Variants in ACTR10 observed in about 807,000 individuals in gnomAD.
The protein encoded by ACTR10 is actin-related protein 10.
Under a neutral mutation model 56.2 loss-of-function variants are expected in ACTR10, and 43 were observed. The ratio of observed to expected loss-of-function variants is 0.77; its 90% CI spans 0.60 to 0.99. ACTR10 has a LOEUF of 0.99. Ranked by LOEUF, ACTR10 falls within the 50% of genes least tolerant of loss-of-function variation. The pLI, the probability that ACTR10 is intolerant of heterozygous loss-of-function variation, is 0.00. For missense variants in ACTR10, 466 were observed against 507.8 expected (o/e 0.92, Z 0.79); for synonymous variants, 170 against 176.3 (o/e 0.96, Z 0.28).
chr14:58,206,515 C>T (rs900646209), intron 2 of ACTR10, among the ~76,000 whole-genome samples: 1 of 152,076 alleles, frequency 6.6e-6, no homozygotes, highest in African/African-American at 2.4e-5. Flanking sequence ...AGACAGATAC[C>T]TAAAAAATTA....
intron 12 of ACTR10, 131 bp downstream of exon 12, chr14:58,232,398 CTTTTTCTTTTTTTT>C: frequency 3.9e-5 from 8 of 204,736 alleles, no homozygotes; most frequent in Admixed American, 8.4e-5. Context: ...CTAACACTGA[CTTTTTCTTTTTTTT>C]TTTTTTTTTT....
Position 58,232,087 on chromosome 14 carries a change from C to T in ACTR10, c.892C>T (p.Gln298Ter). The T allele has an allele frequency of 6.2e-7, 1 of 1,613,152 alleles. No individual in the cohort carries two copies. Among genetic ancestry groups the T allele is most frequent in the Non-Finnish European group, 8.5e-7 (1 of 1,179,364 alleles). ...LIQCPIDTRKQLAENLVVIGG... is the reference protein window; with the variant it reads ...LIQCPIDTRK ...ACAGTGTCCGATAGACACCAGGAAG[C>T]AACTAGCAGAGAATTTGGTAGTCAT... The change falls in exon 12 of 13, where the codon CAA becomes TAA. Residue 298 changes from glutamine to a stop codon, truncating the protein, a stop_gained. Coordinates refer to ENST00000254286, the MANE Select transcript of ACTR10 (RefSeq NM_018477.3). LOFTEE classifies it high-confidence loss of function.
chr14:58,234,761 G>T lies in ACTR10; in HGVS notation c.*210G>T. Reference sequence around the variant, plus strand: ...TAGCTGGTGCTTATTGAGATTTGCTGTATTTATATCAATAAAGTATAGTAA... The same window carrying T: ...TAGCTGGTGCTTATTGAGATTTGCTTTATTTATATCAATAAAGTATAGTAA... On this transcript the variant is annotated 3_prime_UTR_variant, in exon 13 of 13. Transcript: ENST00000254286. The T allele has an allele frequency of 1.8e-5, 6 of 325,030 alleles. No homozygotes were observed. The highest frequency in any genetic ancestry group is 2.2e-5 in the Non-Finnish European group (4 of 183,956). The allele number at this position is 325,030 out of a possible 1,614,324, so 20.1% of individuals were successfully genotyped here.
chr14:58,215,370 A>G, intron 7 of ACTR10, 86 bp downstream of exon 7: 2 of 820,898 alleles, frequency 2.4e-6, no homozygotes, highest in South Asian at 1.7e-5. Flanking sequence ...CCATTGCATG[A>G]TTATTCTCTT....
intron 2 of ACTR10, among the ~76,000 whole-genome samples, chr14:58,204,371 G>A (rs936962557): frequency 6.6e-6 from 1 of 151,892 alleles, no homozygotes; most frequent in Non-Finnish European, 1.5e-5. Flanking sequence ...GCGACAGAGC[G>A]AGACTCCATC....
Position 58,234,495 on chromosome 14 carries a change from G to A in ACTR10, c.1198G>A (p.Asp400Asn). ...TAACCCACCTTTGGAAATGATGTTT[G>A]ATGTCGGGAAAACTCAACCACCTCT... is the stretch of plus-strand genomic sequence containing the variant. ...LNNPPLEMMF[D>N]VGKTQPPLMK... Residue 400 changes from aspartate (D) to asparagine (N), a missense_variant, in exon 13 of 13, where the codon GAT becomes AAT. Physicochemically the swap from Asp to Asn is conservative, Grantham distance 23. Coordinates refer to ENST00000254286, the MANE Select transcript of ACTR10 (RefSeq NM_018477.3). 6.2e-7 allele frequency: 1 copy of A among 1,613,776 alleles called. No individual in the cohort carries two copies. The highest frequency in any genetic ancestry group is 8.5e-7 in the Non-Finnish European group (1 of 1,179,818).
chr14:58,234,486 A>G lies in ACTR10; in HGVS notation c.1189A>G (p.Met397Val), dbSNP rs767943218. Residue 397 changes from methionine to valine, a missense_variant, in exon 13 of 13, where the codon ATG (methionine) becomes GTG (valine). Coordinates refer to ENST00000254286, the MANE Select transcript of ACTR10 (RefSeq NM_018477.3). ...TTCTCTCAATAACCCACCTTTGGAA[A>G]TGATGTTTGATGTCGGGAAAACTCA... ...WCSLNNPPLE[M>V]MFDVGKTQPP... 5 of 1,613,684 alleles carry G rather than the reference A, an allele frequency of 3.1e-6. No homozygotes were observed. Among genetic ancestry groups the G allele is most frequent in the African/African-American group, 1.3e-5 (1 of 74,914 alleles).
intron 7 of ACTR10, 198 bp from the exon 8 acceptor site, chr14:58,219,496 A>G (rs1889215278): frequency 7.6e-6 from 3 of 395,992 alleles, no homozygotes; most frequent in Non-Finnish European, 1.4e-5. Context: ...TTCAATTTCC[A>G]TGGTTTGTCT....
rs933763723 is a variant in ACTR10, at chr14:58,235,224, G to A, written c.*673G>A. The A allele has an allele frequency of 6.6e-6, 1 of 152,134 alleles. No individual in the cohort carries two copies. 9.4% of individuals were successfully genotyped at this position (152,134 alleles called of 1,614,324 possible). On this transcript the variant is annotated 3_prime_UTR_variant, in exon 13 of 13. Coordinates refer to ENST00000254286, the MANE Select transcript of ACTR10 (RefSeq NM_018477.3). Reference sequence around the variant, plus strand: ...AGTTACTCCATTTAAAGCATAAATAGTGTTAACCATTACCAGTTATTTCAA... The same window carrying A: ...AGTTACTCCATTTAAAGCATAAATAATGTTAACCATTACCAGTTATTTCAA...
At chr14:58,214,554 G>C (rs1473106937) in intron 6 of ACTR10, among the ~76,000 whole-genome samples, 1 of 151,786 alleles carries the variant, frequency 6.6e-6, no homozygotes, top group East Asian at 2.0e-4. Context: ...GCAGAGGCAT[G>C]ATCTCGGCTC....
chr14:58,231,065 C>A (rs7157170), intron 11 of ACTR10: 5 of 291,006 alleles, frequency 1.7e-5, no homozygotes, highest in South Asian at 1.1e-4. Context: ...CCTTTTTTTT[C>A]TCTTTTTTTG....
chr14:58,200,404 C>T (rs1888677132), intron 1 of ACTR10, 110 bp downstream of exon 1: 5 of 815,460 alleles, frequency 6.1e-6, no homozygotes, highest in Non-Finnish European at 8.5e-6. Flanking sequence ...TCCGGGCCTC[C>T]CCTTTTCTTC....
chr14:58,234,055 G>A (rs1283856251), intron 12 of ACTR10, among the ~76,000 whole-genome samples: 2 of 152,068 alleles, frequency 1.3e-5, no homozygotes, highest in Non-Finnish European at 2.9e-5. Flanking sequence ...CTTATTGATT[G>A]TATTTACACA....
chr14:58,203,921 AC>A (rs1888790943), intron 2 of ACTR10, among the ~76,000 whole-genome samples: 1 of 152,170 alleles, frequency 6.6e-6, no homozygotes, highest in Non-Finnish European at 1.5e-5. Flanking sequence ...TTTTTAAAAA[AC>A]AAAACAAAAC....
Position 58,219,742 on chromosome 14 carries a change from C to G in ACTR10, c.634+13C>G. 6.6e-7 allele frequency: 1 copy of G among 1,510,936 alleles called. No homozygotes were observed. The allele number at this position is 1,510,936 out of a possible 1,614,324, so 93.6% of individuals were successfully genotyped here. On this transcript the variant is annotated intron_variant, in intron 8 of 12. Coordinates refer to ENST00000254286, the MANE Select transcript of ACTR10 (RefSeq NM_018477.3). ...GAGGACATTAAAGGTAAACTAAGTT[C>G]TCATTTTTGTCCCTTTCATCCTTAA...
At chr14:58,226,694 G>A (rs1011060703) in intron 10 of ACTR10, among the ~76,000 whole-genome samples, 3 of 151,950 alleles carry the variant, frequency 2.0e-5, no homozygotes, top group South Asian at 2.1e-4. Flanking sequence ...CCCACCTCCC[G>A]GGTTCAAGCA....
intron 2 of ACTR10, among the ~76,000 whole-genome samples, chr14:58,204,349 A>T (rs936973947): frequency 6.6e-6 from 1 of 151,992 alleles, no homozygotes; most frequent in African/African-American, 2.4e-5. Context: ...GCGCCACTGC[A>T]CTCCAGCCTG....
chr14:58,213,481 A>G (rs1235888179), intron 5 of ACTR10, 150 bp from the exon 6 acceptor site: 1 of 476,752 alleles, frequency 2.1e-6, no homozygotes, highest in Non-Finnish European at 3.7e-6. Context: ...AAAAAAACTT[A>G]CTCTTTGATT....
intron 11 of ACTR10, among the ~76,000 whole-genome samples, chr14:58,230,895 G>A (rs1415239446): frequency 6.6e-6 from 1 of 151,652 alleles, no homozygotes; most frequent in Non-Finnish European, 1.5e-5. Flanking sequence ...TGAGGAACTG[G>A]GATTACAGGC....
Sources: gnomAD v4.1 joint callset for allele counts (sites outside exome capture counted in the v4.1 genomes callset) on GRCh38, gnomAD v4.1.1 for gene constraint, MANE v1.5 for transcripts, NCBI Gene and HGNC (gene_info 2026-07-23, HGNC 2026-07-21) for gene names.